MYO1E: variants seen among roughly 807,000 people sequenced by gnomAD.
MYO1E encodes myosin IE.
Under a neutral mutation model 151.1 loss-of-function variants are expected in MYO1E, and 68 were observed. That is an observed-to-expected ratio of 0.45 (90% CI 0.37 to 0.55). MYO1E has a LOEUF of 0.55. Ranked by LOEUF, MYO1E falls within the 20% of genes least tolerant of loss-of-function variation. The pLI is 0.00. For missense variants in MYO1E, 1,363 were observed against 1,389.3 expected, an observed-to-expected ratio of 0.98 and a Z score of 0.30; for synonymous variants, 601 against 501.7, an observed-to-expected ratio of 1.20 and a Z score of -2.64.
At chr15:59,366,659 T>C (rs1404334006) in intron 1 of MYO1E, among the ~76,000 whole-genome samples, 12 of 152,132 alleles carry the variant, frequency 7.9e-5, no homozygotes, top group Non-Finnish European at 1.8e-4. Flanking sequence ...CATGTCACTA[T>C]GTTAGGGCTG....
At chr15:59,215,820 C>T (rs924346465) in intron 10 of MYO1E, among the ~76,000 whole-genome samples, 7 of 152,058 alleles carry the variant, frequency 4.6e-5, no homozygotes, top group African/African-American at 7.2e-5. Context: ...GGAAGCCCAG[C>T]GCTGGAAGGT....
intron 19 of MYO1E, among the ~76,000 whole-genome samples, chr15:59,174,935 A>G (rs1402357450): frequency 1.3e-5 from 2 of 152,154 alleles, no homozygotes; most frequent in African/African-American, 4.8e-5. Flanking sequence ...CATTTTACCA[A>G]TGAATGCTGA....
intron 4 of MYO1E, among the ~76,000 whole-genome samples, chr15:59,237,179 T>TGTTTTA (rs1442783443): frequency 6.6e-6 from 1 of 152,232 alleles, no homozygotes; most frequent in Non-Finnish European, 1.5e-5. Flanking sequence ...TAGAGAAACT[T>TGTTTTA]GTTTTAATTC....
At chr15:59,363,122 C>T (rs1346521813) in intron 1 of MYO1E, among the ~76,000 whole-genome samples, 2 of 152,056 alleles carry the variant, frequency 1.3e-5, no homozygotes, top group Non-Finnish European at 1.5e-5. Flanking sequence ...ACTACTGGTG[C>T]CCACCACCAT....
chr15:59,213,552 G>A (rs2079894364), intron 12 of MYO1E, among the ~76,000 whole-genome samples: 1 of 152,000 alleles, frequency 6.6e-6, no homozygotes, highest in Admixed American at 6.6e-5. Context: ...TCGACCTCCT[G>A]GGCTCAAGCA....
chr15:59,146,253 C>CACA (rs2079440728), intron 26 of MYO1E, among the ~76,000 whole-genome samples: 1 of 152,176 alleles, frequency 6.6e-6, no homozygotes, highest in Admixed American at 6.5e-5. Context: ...TTCTAATAAA[C>CACA]ATCACAGAAT....
chr15:59,224,595 A>G (rs2079977093), intron 8 of MYO1E, 94 bp downstream of exon 8: 1 of 1,510,114 alleles, frequency 6.6e-7, no homozygotes, highest in Non-Finnish European at 9.2e-7. Context: ...CATTTCATGC[A>G]GCTCTTTGCT....
chr15:59,328,381 C>A (rs2080678747), intron 1 of MYO1E, among the ~76,000 whole-genome samples: 1 of 151,904 alleles, frequency 6.6e-6, no homozygotes, highest in Non-Finnish European at 1.5e-5. Flanking sequence ...GAAAAGGAAC[C>A]CACCTTCATT....
intron 1 of MYO1E, among the ~76,000 whole-genome samples, chr15:59,294,337 G>C (rs1034650878): frequency 6.6e-6 from 1 of 152,156 alleles, no homozygotes; most frequent in African/African-American, 2.4e-5. Flanking sequence ...CCAAAATCAG[G>C]AACTAAATAG....
chr15:59,248,487 A>AG (rs1491411940), intron 4 of MYO1E, among the ~76,000 whole-genome samples: 2 of 14,196 alleles, frequency 1.4e-4, no homozygotes, highest in Non-Finnish European at 5.4e-4. Flanking sequence ...ACTCCATCTC[A>AG]AAAAAAAAAA....
chr15:59,243,253 T>C (rs984400193), intron 4 of MYO1E, among the ~76,000 whole-genome samples: 5 of 152,208 alleles, frequency 3.3e-5, no homozygotes, highest in Admixed American at 2.6e-4. Flanking sequence ...GTTGTTCATC[T>C]ATTAAAACAT....
chr15:59,291,682 T>TAAAAAAAAAAAAA (rs1182076268), intron 1 of MYO1E, among the ~76,000 whole-genome samples: 3 of 7,804 alleles, frequency 3.8e-4, no homozygotes, highest in East Asian at 6.8e-3. Context: ...CTAAAAATAC[T>TAAAAAAAAAAAAA]AAAAAAAAAA....
At chr15:59,235,505 C>T (rs1319530564) in intron 5 of MYO1E, among the ~76,000 whole-genome samples, 14 of 152,218 alleles carry the variant, frequency 9.2e-5, no homozygotes, top group African/African-American at 3.4e-4. Context: ...ACAATCGGTA[C>T]ATGAAGCCTC....
chr15:59,216,683 TATACACATACACACAC>T (rs1409263916), intron 10 of MYO1E, among the ~76,000 whole-genome samples: 4 of 27,470 alleles, frequency 1.5e-4, no homozygotes, highest in African/African-American at 5.2e-4. Flanking sequence ...TATATATATA[TATACACATACACACAC>T]ACACACACAC....
intron 1 of MYO1E, among the ~76,000 whole-genome samples, chr15:59,345,449 G>A (rs1467249090): frequency 6.6e-6 from 1 of 152,110 alleles, no homozygotes; most frequent in Admixed American, 6.5e-5. Flanking sequence ...GGGACTACAG[G>A]CACATGTGCC....
chr15:59,208,954 A>G (rs1308780715), intron 13 of MYO1E, 106 bp from the exon 14 acceptor site: 41 of 1,345,056 alleles, frequency 3.0e-5, no homozygotes, highest in Non-Finnish European at 4.3e-5. Flanking sequence ...GACTTAAGAT[A>G]CCATCTTGAA....
chr15:59,163,222 T>C lies in MYO1E; in HGVS notation c.2562A>G (p.Leu854=). ...CCTCGTAACGCTTTGCTAAGAGGCT[T>C]AGGAATTCAGTTTTGAAGACAGATT... is the stretch of plus-strand genomic sequence containing the variant. The part of the protein sequence containing the change: ...LLESVFKTEF[L]SLLAKRYEEK... The change falls in exon 23 of 28, where the codon CTA becomes CTG. Residue 854 remains leucine (L), a synonymous_variant. Transcript: ENST00000288235. The C allele has an allele frequency of 1.2e-6, 2 of 1,614,134 alleles. No homozygotes were observed. The highest frequency in any genetic ancestry group is 1.7e-6 in the Non-Finnish European group (2 of 1,179,996).
At chr15:59,354,714 G>C (rs2080844231) in intron 1 of MYO1E, among the ~76,000 whole-genome samples, 1 of 152,200 alleles carries the variant, frequency 6.6e-6, no homozygotes, top group Admixed American at 6.5e-5. Context: ...GACCTGGAAA[G>C]AGTAGCTCCA....
intron 2 of MYO1E, among the ~76,000 whole-genome samples, chr15:59,263,698 A>T (rs954482151): frequency 3.7e-4 from 56 of 152,194 alleles, no homozygotes; most frequent in African/African-American, 1.3e-3. Flanking sequence ...ATTAGGGAAG[A>T]TGAAGTGGTT....
Sources: gnomAD v4.1 joint callset for allele counts (sites outside exome capture counted in the v4.1 genomes callset) on GRCh38, gnomAD v4.1.1 for gene constraint, MANE v1.5 for transcripts, NCBI Gene and HGNC (gene_info 2026-07-23, HGNC 2026-07-21) for gene names.